Variants in UPF2 observed in about 807,000 individuals in gnomAD.
UPF2 encodes regulator of nonsense transcripts 2.
A neutral mutation model predicts 141.4 loss-of-function variants in UPF2; 17 were observed. That is an observed-to-expected ratio of 0.12 (90% CI 0.08 to 0.18). The LOEUF (loss-of-function observed/expected upper bound fraction) is 0.18. Among genes scored for constraint, UPF2 ranks in the 10% least tolerant of loss-of-function variants. The pLI is 1.00. For missense variants in UPF2, 1,152 were observed against 1,515.9 expected (o/e 0.76, Z 3.99); for synonymous variants, 540 against 498.0 (o/e 1.08, Z -1.12).
intron 4 of UPF2, among the ~76,000 whole-genome samples, chr10:12,006,390 C>T (rs907540703): frequency 2.0e-5 from 3 of 152,182 alleles, no homozygotes; most frequent in Non-Finnish European, 4.4e-5. Context: ...AACTTATCTA[C>T]TCTCACATAC....
chr10:11,921,962 T>A lies in UPF2; in HGVS notation c.3810-655A>T, dbSNP rs941671090. Among the ~76,000 whole-genome samples the A allele has an allele frequency of 6.6e-6, 1 of 152,206 alleles. No homozygotes were observed. Among genetic ancestry groups the A allele is most frequent in the African/African-American group, 2.4e-5 (1 of 41,466 alleles). ...TTGCTGTAGACGTAATTACTTCAGA[T>A]AAGGCCATACTGGAGCAGGGTGGAG... On this transcript the variant is annotated intron_variant, in intron 21 of 21. Transcript: ENST00000357604. This position sits in a 1 kb window ranked among gnomAD's most constrained non-coding sequence, Gnocchi z 5.9.
At chr10:11,999,289 G>A (rs567342558) in intron 7 of UPF2, among the ~76,000 whole-genome samples, 139 of 152,028 alleles carry the variant, frequency 9.1e-4, no homozygotes, top group African/African-American at 3.2e-3. Flanking sequence ...CAAGGCAGGC[G>A]GATCACAAGG....
chr10:12,021,996 C>T (rs1005452700), intron 3 of UPF2, among the ~76,000 whole-genome samples: 4 of 151,914 alleles, frequency 2.6e-5, no homozygotes, highest in African/African-American at 4.8e-5. Context: ...AAAAATTAGT[C>T]GAGTGTGGTG....
rs1041182169 is a variant in UPF2, at chr10:12,019,878, C to G, written c.1146-5694G>C. ...TAGCTGGGATTACAGGAGCCTGCCA[C>G]CACACCCGGCTAATTTTTGTATTTT... On this transcript the variant is annotated intron_variant, in intron 3 of 21. Coordinates refer to ENST00000357604, the MANE Select transcript of UPF2 (RefSeq NM_015542.4). This position sits in a 1 kb window ranked among gnomAD's most constrained non-coding sequence, Gnocchi z 4.5. Among the ~76,000 whole-genome samples, 1 of 152,126 alleles carries G rather than the reference C, an allele frequency of 6.6e-6. No homozygotes were observed. The highest frequency in any genetic ancestry group is 1.5e-5 in the Non-Finnish European group (1 of 68,040).
chr10:11,928,654 A>C (rs1832743381), intron 21 of UPF2: 1 of 300,234 alleles, frequency 3.3e-6, no homozygotes, highest in South Asian at 2.9e-5. Flanking sequence ...GCTTGCAGTG[A>C]GCAGAGATGG....
intron 10 of UPF2, among the ~76,000 whole-genome samples, chr10:11,965,551 T>A (rs1385435759): frequency 6.6e-6 from 1 of 152,070 alleles, no homozygotes; most frequent in African/African-American, 2.4e-5. Flanking sequence ...GCTCCACCTC[T>A]CAGGTTCATG....
intron 13 of UPF2, 82 bp from the exon 14 acceptor site, chr10:11,955,589 A>C (rs930085578): frequency 6.8e-6 from 9 of 1,328,736 alleles, no homozygotes; most frequent in Non-Finnish European, 9.2e-6. Context: ...CTGTAACTTG[A>C]AAATATCTAT....
chr10:12,030,891 A>C (rs1267722667), intron 2 of UPF2, among the ~76,000 whole-genome samples: 1 of 138,552 alleles, frequency 7.2e-6, no homozygotes, highest in Admixed American at 7.6e-5. Flanking sequence ...CTCAAAAAAA[A>C]AGGCCAGGCA....
chr10:11,974,941 T>C (rs1323126778), intron 9 of UPF2, among the ~76,000 whole-genome samples: 4 of 152,162 alleles, frequency 2.6e-5, no homozygotes, highest in Non-Finnish European at 5.9e-5. Context: ...TGCACAAAAA[T>C]ATTTGGTACA....
intron 4 of UPF2, 30 bp from the exon 5 acceptor site, chr10:12,004,757 C>T (rs773140943): frequency 6.3e-7 from 1 of 1,587,776 alleles, no homozygotes; most frequent in African/African-American, 1.3e-5. Context: ...AAGTAATTAA[C>T]ATAACTTGAG....
Position 11,956,832 on chromosome 10 carries a change from T to C in UPF2, c.2371-309A>G, listed in dbSNP as rs553480202. On this transcript the variant is annotated intron_variant, in intron 12 of 21. Transcript: ENST00000357604. The surrounding 1 kb of genome is among the most constrained non-coding windows in gnomAD (Gnocchi z 4.2). ...CAGGAGTTTGGAGTAGGTTTCTTTT[T>C]CCCCCCCAGACACAGTCTCACTCTG... Among the ~76,000 whole-genome samples the C allele has an allele frequency of 7.2e-5, 11 of 151,872 alleles. No individual in the cohort carries two copies. Among genetic ancestry groups the C allele is most frequent in the South Asian group, 2.1e-4 (1 of 4,796 alleles).
intron 3 of UPF2, among the ~76,000 whole-genome samples, chr10:12,024,197 CTT>C (rs1834368116): frequency 6.6e-6 from 1 of 152,006 alleles, no homozygotes; most frequent in Non-Finnish European, 1.5e-5. Context: ...GTGGCTCACA[CTT>C]GTAAACCCAG....
At chr10:11,932,202 G>A (rs1832790911) in intron 19 of UPF2, among the ~76,000 whole-genome samples, 1 of 151,668 alleles carries the variant, frequency 6.6e-6, no homozygotes, top group Non-Finnish European at 1.5e-5. Context: ...TGAACTGGAA[G>A]TTGCAACTCT....
At chr10:11,925,255 A>C (rs1165805171) in intron 21 of UPF2, among the ~76,000 whole-genome samples, 1 of 152,224 alleles carries the variant, frequency 6.6e-6, no homozygotes, top group Non-Finnish European at 1.5e-5. Flanking sequence ...TCCATTCGTG[A>C]TACTTTACAG....
At chr10:12,033,182 T>C (rs1180641412) in intron 2 of UPF2, among the ~76,000 whole-genome samples, 1 of 152,100 alleles carries the variant, frequency 6.6e-6, no homozygotes, top group East Asian at 1.9e-4. Context: ...AGTGGGAGGA[T>C]CGCTTGAGCT....
At chr10:11,988,052 G>C (rs1411601817) in intron 8 of UPF2, among the ~76,000 whole-genome samples, 2 of 152,024 alleles carry the variant, frequency 1.3e-5, no homozygotes, top group African/African-American at 4.8e-5. Context: ...ATAACTCTTA[G>C]AACTCATTCA....
In UPF2 at chr10:12,016,475, C is replaced by T. The variant is rs1834222024; in HGVS notation, c.1146-2291G>A. Reference sequence around the variant, plus strand: ...CTTTGGAAGGCCGAGGTGGGAGGATCACAAGGTCAGGAGTTTGAGACCAGC... The same window carrying T: ...CTTTGGAAGGCCGAGGTGGGAGGATTACAAGGTCAGGAGTTTGAGACCAGC... On this transcript the variant is annotated intron_variant, in intron 3 of 21. Transcript: ENST00000357604. This position sits in a 1 kb window ranked among gnomAD's most constrained non-coding sequence, Gnocchi z 4.1. 6.6e-6 allele frequency among the ~76,000 whole-genome samples: 1 copy of T among 151,842 alleles called. No individual in the cohort carries two copies. Among genetic ancestry groups the T allele is most frequent in the African/African-American group, 2.4e-5 (1 of 41,346 alleles).
chr10:12,031,332 C>G (rs984435333), intron 2 of UPF2, among the ~76,000 whole-genome samples: 32 of 152,178 alleles, frequency 2.1e-4, no homozygotes, highest in African/African-American at 7.5e-4. Flanking sequence ...AGACAACTAT[C>G]AAATAAGAAA....
intron 19 of UPF2, among the ~76,000 whole-genome samples, chr10:11,932,115 C>A (rs1554774191): frequency 6.6e-6 from 1 of 151,360 alleles, no homozygotes. Flanking sequence ...TGCCACTGCA[C>A]TCCAGCCTGG....
Sources: gnomAD v4.1 joint callset for allele counts (sites outside exome capture counted in the v4.1 genomes callset) on GRCh38, gnomAD v4.1.1 for gene constraint, Gnocchi (gnomAD v3.1) non-coding constraint, MANE v1.5 for transcripts, NCBI Gene and HGNC (gene_info 2026-07-23, HGNC 2026-07-21) for gene names.